Variants in PAX2 observed in about 807,000 individuals in gnomAD.
PAX2 encodes the protein paired box protein Pax-2.
PAX2 carries 9 observed loss-of-function variants against 41.7 expected under a neutral mutation model. That is an observed-to-expected ratio of 0.22 (90% confidence interval 0.13 to 0.38). The LOEUF is 0.38. Among genes scored for constraint, PAX2 ranks in the 10% least tolerant of loss-of-function variants. PAX2 has a pLI of 1.00. For synonymous variants in PAX2, 221 were observed against 212.7 expected, an observed-to-expected ratio of 1.04 and a Z score of -0.34; for missense variants, 418 against 531.6, an observed-to-expected ratio of 0.79 and a Z score of 2.10.
At chr10:100,778,428 T>C (rs1457369714) in intron 3 of PAX2, among the ~76,000 whole-genome samples, 1 of 152,174 alleles carries the variant, frequency 6.6e-6, no homozygotes, top group African/African-American at 2.4e-5. Context: ...CACCTTCATA[T>C]CCAGCACTGT....
chr10:100,746,634 A>G (rs1262282544), intron 1 of PAX2, among the ~76,000 whole-genome samples: 1 of 152,126 alleles, frequency 6.6e-6, no homozygotes, highest in East Asian at 1.9e-4. Context: ...CCCTCTCCCT[A>G]GTCAGCCTCT....
chr10:100,790,895 C>T (rs1006298206), intron 5 of PAX2, among the ~76,000 whole-genome samples: 1 of 152,144 alleles, frequency 6.6e-6, no homozygotes, highest in Non-Finnish European at 1.5e-5. Flanking sequence ...GGCTCAGGGG[C>T]TGCGAGACAG....
At chr10:100,769,825 C>T (rs963270626) in intron 3 of PAX2, among the ~76,000 whole-genome samples, 1 of 152,092 alleles carries the variant, frequency 6.6e-6, no homozygotes, top group African/African-American at 2.4e-5. Flanking sequence ...AAATAGCAGA[C>T]ATCTGCCTTC....
intron 3 of PAX2, among the ~76,000 whole-genome samples, chr10:100,764,136 ATTT>A (rs145391942): frequency 0.19 from 19,076 of 102,876 alleles, 892 homozygotes; most frequent in Middle Eastern, 0.29. Flanking sequence ...CAAACATTGA[ATTT>A]TTTTTTTTTT....
At position 100,794,006 on chromosome 10, in the gene PAX2, A is replaced by G. The variant is rs575299055; in HGVS notation, c.617-12424A>G. Among the ~76,000 whole-genome samples the G allele has an allele frequency of 3.9e-5, 6 of 152,296 alleles. No homozygotes were observed. In the East Asian group the frequency reaches 1.2e-3, roughly 29 times the overall value. ...GGGGAAATGGACTAGAAGGGCAAGC[A>G]GGAAATGGGGCTTCAGCCTGGGAGC... On this transcript the variant is annotated intron_variant, in intron 5 of 9. Transcript: ENST00000355243.
In PAX2 at chr10:100,750,047, A is replaced by G. The variant is rs372625761; in HGVS notation, c.212+133A>G. 1.9e-6 allele frequency: 2 copies of G among 1,050,192 alleles called. No homozygotes were observed. The allele number at this position is 1,050,192 out of a possible 1,614,324, so 65.1% of individuals were successfully genotyped here. ...GGGAGATCCCCAAAGGGGTCTGGAG[A>G]GGTGCTCCTTTTGGAGAGAGTGTTC... On this transcript the variant is annotated intron_variant, in intron 2 of 9. Coordinates refer to ENST00000355243, the MANE Select transcript of PAX2 (RefSeq NM_000278.5). This position sits in a 1 kb window ranked among gnomAD's most constrained non-coding sequence, Gnocchi z 4.1.
chr10:100,805,413 TGGTATGG>T (rs1033876585), intron 5 of PAX2, among the ~76,000 whole-genome samples: 1 of 152,024 alleles, frequency 6.6e-6, no homozygotes, highest in Non-Finnish European at 1.5e-5. Context: ...GTGACCAAGC[TGGTATGG>T]GGTTTGGGGG....
intron 7 of PAX2, among the ~76,000 whole-genome samples, chr10:100,812,508 CA>C (rs1393942702): frequency 6.6e-6 from 1 of 152,178 alleles, no homozygotes; most frequent in African/African-American, 2.4e-5. Context: ...CTTGACCCTC[CA>C]AAGGAGCCCA....
chr10:100,788,593 G>A (rs898155470), intron 5 of PAX2, among the ~76,000 whole-genome samples: 4 of 152,238 alleles, frequency 2.6e-5, no homozygotes, highest in Non-Finnish European at 5.9e-5. Context: ...AGAGGAAGGA[G>A]ACAGGGCCTG....
intron 3 of PAX2, among the ~76,000 whole-genome samples, chr10:100,771,376 G>A (rs1372425913): frequency 6.6e-6 from 1 of 152,186 alleles, no homozygotes. Context: ...GCATATGAGT[G>A]AGCATGGGCA....
At chr10:100,796,391 G>A (rs71488072) in intron 5 of PAX2, among the ~76,000 whole-genome samples, 1,610 of 152,108 alleles carry the variant, frequency 0.011, 14 homozygotes, top group Middle Eastern at 0.041. Context: ...TTGAAAACAC[G>A]ATTTTTTAAT....
intron 3 of PAX2, among the ~76,000 whole-genome samples, chr10:100,776,965 C>T (rs1846408521): frequency 6.6e-6 from 1 of 152,160 alleles, no homozygotes; most frequent in Admixed American, 6.5e-5. Context: ...AGAGATCCCC[C>T]CTAGTTTAGA....
intron 7 of PAX2, among the ~76,000 whole-genome samples, chr10:100,820,082 T>C (rs984106680): frequency 5.3e-5 from 8 of 152,236 alleles, no homozygotes; most frequent in Non-Finnish European, 1.0e-4. Context: ...TCTTTGTTTT[T>C]CAGAAAACTC....
chr10:100,749,667 G>A (rs1845359316), intron 1 of PAX2, 79 bp from the exon 2 acceptor site: 8 of 1,550,864 alleles, frequency 5.2e-6, no homozygotes, highest in African/African-American at 1.4e-5. Flanking sequence ...TCCTTCGCCC[G>A]TCCCGGGCCG....
chr10:100,753,162 C>T (rs1239398803), intron 3 of PAX2, among the ~76,000 whole-genome samples: 1 of 152,196 alleles, frequency 6.6e-6, no homozygotes, highest in African/African-American at 2.4e-5. Context: ...GGGCAGCCTA[C>T]CCTGGGTCCG....
chr10:100,784,043 TGGGAAG>T (rs1312137080), intron 5 of PAX2, among the ~76,000 whole-genome samples: 8 of 152,244 alleles, frequency 5.3e-5, no homozygotes, highest in African/African-American at 1.4e-4. Context: ...CAGCCCCTGG[TGGGAAG>T]GGAGAGGAGA....
At chr10:100,794,034 G>A (rs1350588898) in intron 5 of PAX2, among the ~76,000 whole-genome samples, 1 of 152,190 alleles carries the variant, frequency 6.6e-6, no homozygotes, top group Non-Finnish European at 1.5e-5. Flanking sequence ...CTGGGAGCCT[G>A]GGAGTGGCTG....
intron 1 of PAX2, chr10:100,747,193 C>T (rs1003564939): frequency 2.0e-5 from 3 of 152,190 alleles, no homozygotes; most frequent in Non-Finnish European, 4.4e-5. Flanking sequence ...CCTAGACTGC[C>T]GACTCCCCAT....
chr10:100,749,944 G>A, intron 2 of PAX2, 30 bp downstream of exon 2: 1 of 1,605,896 alleles, frequency 6.2e-7, no homozygotes, highest in Non-Finnish European at 8.5e-7. Context: ...CCCGGGAGAC[G>A]CCTTGCCTAC....
Sources: allele counts gnomAD v4.1 joint callset (sites outside exome capture counted in the v4.1 genomes callset), GRCh38; gene constraint gnomAD v4.1.1; non-coding constraint Gnocchi (gnomAD v3.1); transcripts MANE v1.5; gene names NCBI Gene and HGNC (gene_info 2026-07-23, HGNC 2026-07-21).